The following ATP13A4 variants were observed in gnomAD, a reference collection of about 807,000 sequenced individuals.
The protein encoded by ATP13A4 is ATPase 13A4.
In ATP13A4, 114 loss-of-function variants were observed where a neutral mutation model predicts 142.5. The observed-to-expected ratio is 0.80, with a 90% CI of 0.69 to 0.93. ATP13A4 has a LOEUF of 0.93. Among genes scored for constraint, ATP13A4 ranks in the 40% least tolerant of loss-of-function variants. ATP13A4 has a pLI of 0.00. For synonymous variants in ATP13A4, 488 were observed against 514.8 expected (o/e 0.95, Z 0.70); for missense variants, 1,392 against 1,454.0 (o/e 0.96, Z 0.69).
chr3:193,483,534 G>T (rs113037484), intron 8 of ATP13A4, among the ~76,000 whole-genome samples: 1 of 152,016 alleles, frequency 6.6e-6, no homozygotes, highest in Non-Finnish European at 1.5e-5. Context: ...GCGCGATCTC[G>T]GCTCACTGCA....
chr3:193,500,339 G>A (rs1373018234), intron 3 of ATP13A4, among the ~76,000 whole-genome samples: 1 of 152,076 alleles, frequency 6.6e-6, no homozygotes, highest in Non-Finnish European at 1.5e-5. Flanking sequence ...CTGTAATCCT[G>A]CAAGATGGTC....
intron 1 of ATP13A4, among the ~76,000 whole-genome samples, chr3:193,535,120 GA>G (rs1252289385): frequency 2.6e-5 from 4 of 152,042 alleles, no homozygotes; most frequent in African/African-American, 9.7e-5. Flanking sequence ...ATAATTCATA[GA>G]ACAACTAAGC....
chr3:193,579,482 T>C (rs1190350759), intron 2 of ATP13A4: 1 of 126,638 alleles, frequency 7.9e-6, no homozygotes, highest in African/African-American at 3.5e-5. Context: ...TGGGAATATA[T>C]ATGTATTGTA....
At chr3:193,564,854 C>T (rs1272526633) in intron 2 of ATP13A4, among the ~76,000 whole-genome samples, 1 of 152,154 alleles carries the variant, frequency 6.6e-6, no homozygotes, top group African/African-American at 2.4e-5. Context: ...TGAGCTCCAC[C>T]ACCTGTCAGA....
At chr3:193,497,760 A>G (rs2108672506) in intron 3 of ATP13A4, among the ~76,000 whole-genome samples, 1 of 152,256 alleles carries the variant, frequency 6.6e-6, no homozygotes, top group East Asian at 1.9e-4. Flanking sequence ...AAATTCTGTC[A>G]ATTTTGACAA....
intron 2 of ATP13A4, among the ~76,000 whole-genome samples, chr3:193,581,168 T>C (rs924024966): frequency 6.6e-6 from 1 of 152,240 alleles, no homozygotes; most frequent in Non-Finnish European, 1.5e-5. Context: ...TTAATGATGA[T>C]GTGCAAGACT....
chr3:193,522,980 A>T (rs1037777823), intron 1 of ATP13A4, among the ~76,000 whole-genome samples: 2 of 152,214 alleles, frequency 1.3e-5, no homozygotes, highest in Admixed American at 1.3e-4. Flanking sequence ...AATGTTCTGA[A>T]TAACAGGAGT....
intron 14 of ATP13A4, among the ~76,000 whole-genome samples, chr3:193,457,983 C>A (rs1415206632): frequency 6.6e-6 from 1 of 152,092 alleles, no homozygotes; most frequent in Non-Finnish European, 1.5e-5. Flanking sequence ...GACCTTTTAC[C>A]CAAAGACAAC....
At chr3:193,511,511 C>G (rs1448641635) in intron 2 of ATP13A4, among the ~76,000 whole-genome samples, 1 of 152,144 alleles carries the variant, frequency 6.6e-6, no homozygotes, top group Non-Finnish European at 1.5e-5. Context: ...TAAGCAAGAC[C>G]ATTAGATATG....
intron 3 of ATP13A4, among the ~76,000 whole-genome samples, chr3:193,496,900 C>T (rs1176113080): frequency 2.0e-5 from 3 of 151,954 alleles, no homozygotes; most frequent in African/African-American, 7.2e-5. Flanking sequence ...TGTATCTTAC[C>T]ATACACAAAA....
intron 2 of ATP13A4, among the ~76,000 whole-genome samples, chr3:193,513,246 C>T (rs759196209): frequency 3.3e-5 from 5 of 152,192 alleles, no homozygotes; most frequent in African/African-American, 7.2e-5. Flanking sequence ...TTTAGCCTCA[C>T]CTCTGTTAGA....
At chr3:193,570,641 C>A (rs537047512) in intron 2 of ATP13A4, among the ~76,000 whole-genome samples, 1 of 152,132 alleles carries the variant, frequency 6.6e-6, no homozygotes, top group Non-Finnish European at 1.5e-5. Flanking sequence ...TTTCCTCATA[C>A]AATTAAACTC....
chr3:193,476,442 C>A (rs1327381848), intron 8 of ATP13A4, among the ~76,000 whole-genome samples: 1 of 152,092 alleles, frequency 6.6e-6, no homozygotes, highest in Admixed American at 6.5e-5. Context: ...GTTTGAGCTT[C>A]TATTCAGACC....
chr3:193,474,302 G>A (rs1191340683), intron 8 of ATP13A4, among the ~76,000 whole-genome samples: 1 of 111,664 alleles, frequency 9.0e-6, no homozygotes, highest in African/African-American at 3.5e-5. Flanking sequence ...CCAGCCTGGT[G>A]ACAGAGCGAG....
intron 7 of ATP13A4, among the ~76,000 whole-genome samples, chr3:193,486,845 T>G (rs1719653693): frequency 6.6e-6 from 1 of 152,162 alleles, no homozygotes; most frequent in East Asian, 1.9e-4. Context: ...CAAGATATAT[T>G]AATAGTAATT....
chr3:193,538,476 T>G (rs1577062875), intron 1 of ATP13A4, among the ~76,000 whole-genome samples: 1 of 150,826 alleles, frequency 6.6e-6, no homozygotes, highest in East Asian at 2.0e-4. Flanking sequence ...CAAACTTTAT[T>G]GTTAATGGAA....
intron 2 of ATP13A4, among the ~76,000 whole-genome samples, chr3:193,565,326 T>C (rs1017775569): frequency 2.0e-5 from 3 of 152,148 alleles, no homozygotes; most frequent in Non-Finnish European, 4.4e-5. Flanking sequence ...AGGGAATCAA[T>C]GTGTGGCAAT....
rs111244759 is a variant in ATP13A4, at chr3:193,572,964, C to CA, written n.291+8742dup. ...GCAATATGGTGAAACACCTTCTTTA[C>CA]AAAAAAAAAAAAAATTACAAAAATT... On this transcript the variant is annotated intron_variant and non_coding_transcript_variant, in intron 2 of 3. Transcript: ENST00000489140. 4.5e-3 allele frequency among the ~76,000 whole-genome samples: 390 copies of CA among 86,922 alleles called. 2 individuals are homozygous for CA. The highest frequency in any genetic ancestry group is 0.01 in the African/African-American group (256 of 24,704). 57.0% of individuals were successfully genotyped at this position (86,922 alleles called of 152,430 possible). A position where few individuals can be genotyped will look rare whatever the true frequency, so the allele number is the denominator to read the frequency against.
intron 1 of ATP13A4, among the ~76,000 whole-genome samples, chr3:193,588,386 T>G (rs2108749958): frequency 6.6e-6 from 1 of 152,344 alleles, no homozygotes; most frequent in South Asian, 2.1e-4. Flanking sequence ...CATCCCCTTG[T>G]AATCAGCTTT....
Sources: gnomAD v4.1 joint callset for allele counts (sites outside exome capture counted in the v4.1 genomes callset) on GRCh38, gnomAD v4.1.1 for gene constraint, MANE v1.5 for transcripts, NCBI Gene and HGNC (gene_info 2026-07-23, HGNC 2026-07-21) for gene names.